The following PPFIA2 variants were observed in gnomAD, a reference collection of about 807,000 sequenced individuals.
PPFIA2 encodes the protein liprin-alpha-2.
In PPFIA2, 46 loss-of-function variants were observed where a neutral mutation model predicts 175.5. The observed-to-expected ratio is 0.26, with a 90% confidence interval of 0.21 to 0.34. The LOEUF (loss-of-function observed/expected upper bound fraction) is 0.34, where lower values mean the gene tolerates loss of function less well. Among genes scored for constraint, PPFIA2 ranks in the 10% least tolerant of loss-of-function variants. The pLI is 1.00. For synonymous variants in PPFIA2, 568 were observed against 511.4 expected, an observed-to-expected ratio of 1.11 and a Z score of -1.49; for missense variants, 1,179 against 1,506.1, an observed-to-expected ratio of 0.78 and a Z score of 3.60.
chr12:81,668,814 G>T (rs1447832897), intron 4 of PPFIA2, among the ~76,000 whole-genome samples: 1 of 151,868 alleles, frequency 6.6e-6, no homozygotes, highest in African/African-American at 2.4e-5. Flanking sequence ...ACTATGTTTT[G>T]GGGTTTTAAA....
Position 81,358,180 on chromosome 12 carries a change from C to A in PPFIA2, c.1675G>T (p.Val559Leu). Residue 559 changes from valine (V) to leucine (L), a missense_variant, in exon 16 of 33, where the codon GTG (valine) becomes TTG (leucine). This residue lies in a region of PPFIA2 where 186 missense variants were observed against 163.6 expected (regional missense o/e 1.14). Coordinates refer to ENST00000549396, the MANE Select transcript of PPFIA2 (RefSeq NM_003625.5). ...GACTGGCTGTCCACTAGGGATCCCA[C>A]TGAGTACCGCAACTCAGCTGAGGTG... ...LDTSAELRYS[V>L]GSLVDSQSDY... 2 of 1,594,192 alleles carry A rather than the reference C, an allele frequency of 1.3e-6. No individual in the cohort carries two copies. The highest frequency in any genetic ancestry group is 1.7e-6 in the Non-Finnish European group (2 of 1,169,464).
At chr12:81,670,504 C>T (rs768918621) in intron 4 of PPFIA2, among the ~76,000 whole-genome samples, 1 of 151,890 alleles carries the variant, frequency 6.6e-6, no homozygotes, top group Admixed American at 6.6e-5. Context: ...AAACCAAGCA[C>T]ACAGGTAATG....
intron 7 of PPFIA2, chr12:81,417,253 A>G (rs1294551531): frequency 1.3e-5 from 2 of 151,836 alleles, no homozygotes; most frequent in South Asian, 2.1e-4. Flanking sequence ...ACTGAAATGA[A>G]TCTCTCTGAA....
chr12:81,351,613 T>C (rs979461102), intron 17 of PPFIA2, among the ~76,000 whole-genome samples: 3 of 151,780 alleles, frequency 2.0e-5, no homozygotes, highest in Admixed American at 2.0e-4. Flanking sequence ...ATTAACAATC[T>C]GAGGCTGGGT....
Position 81,704,765 on chromosome 12 carries a change from T to C in PPFIA2, c.250-27921A>G, listed in dbSNP as rs532624777. 2.6e-5 allele frequency among the ~76,000 whole-genome samples: 4 copies of C among 152,120 alleles called. No homozygotes were observed. The East Asian group carries it at 7.7e-4, about 29-fold the overall frequency. Reference sequence around the variant, plus strand: ...CATTACTTGAGGATAGCAACTTAAATATAATATATAAATATTTATTAAGAA... The same window carrying C: ...CATTACTTGAGGATAGCAACTTAAACATAATATATAAATATTTATTAAGAA... On this transcript the variant is annotated intron_variant, in intron 3 of 32. Transcript: ENST00000549396.
chr12:81,679,226 C>T (rs1767172662), intron 3 of PPFIA2, among the ~76,000 whole-genome samples: 1 of 151,718 alleles, frequency 6.6e-6, no homozygotes, highest in South Asian at 2.1e-4. Flanking sequence ...TATGACCATA[C>T]TGAAAAGTTT....
At chr12:81,422,065 CGTGTGTGTGTGTATATAT>C (rs1566758063) in intron 7 of PPFIA2, among the ~76,000 whole-genome samples, 12 of 132,760 alleles carry the variant, frequency 9.0e-5, no homozygotes, top group African/African-American at 3.0e-4. Flanking sequence ...TATATATATA[CGTGTGTGTGTGTATATAT>C]ATGTGTATAT....
chr12:81,270,350 T>C (rs1227460383), intron 28 of PPFIA2, among the ~76,000 whole-genome samples: 1 of 152,196 alleles, frequency 6.6e-6, no homozygotes, highest in Non-Finnish European at 1.5e-5. Flanking sequence ...ATGGGTTGAA[T>C]TGTGTTCCCC....
chr12:81,361,503 G>A lies in PPFIA2; in HGVS notation c.1637+1190C>T, dbSNP rs567098221. ...TTCTTTGAGTGTTTTTATGCCTGCC[G>A]AACTTTTTCTCATATTCAATTGAGT... On this transcript the variant is annotated intron_variant, in intron 15 of 32. Coordinates refer to ENST00000549396, the MANE Select transcript of PPFIA2 (RefSeq NM_003625.5). Among the ~76,000 whole-genome samples, 102 of 151,536 alleles carry A rather than the reference G, an allele frequency of 6.7e-4. No homozygotes were observed. The Middle Eastern group carries it at 0.01, about 15-fold the overall frequency.
At chr12:81,592,356 G>A (rs2058760336) in intron 4 of PPFIA2, among the ~76,000 whole-genome samples, 2 of 152,112 alleles carry the variant, frequency 1.3e-5, no homozygotes, top group South Asian at 2.1e-4. Flanking sequence ...GATTTTGGGG[G>A]ACTGTTGGGA....
At chr12:81,708,640 A>C (rs2077510560) in intron 3 of PPFIA2, among the ~76,000 whole-genome samples, 1 of 152,198 alleles carries the variant, frequency 6.6e-6, no homozygotes, top group African/African-American at 2.4e-5. Context: ...AATCTCTGTT[A>C]ATATAAGAGA....
chr12:81,422,554 A>T (rs2046460925), intron 7 of PPFIA2, among the ~76,000 whole-genome samples: 1 of 152,128 alleles, frequency 6.6e-6, no homozygotes, highest in Admixed American at 6.6e-5. Flanking sequence ...GATGGAAGGG[A>T]GTCAAGGGCT....
chr12:81,313,228 G>C (rs1030299446), intron 22 of PPFIA2, among the ~76,000 whole-genome samples: 1 of 151,912 alleles, frequency 6.6e-6, no homozygotes, highest in African/African-American at 2.4e-5. Context: ...AAGCATAATA[G>C]CCTAATTATT....
intron 4 of PPFIA2, among the ~76,000 whole-genome samples, chr12:81,617,996 T>A (rs1251719237): frequency 6.6e-6 from 1 of 152,178 alleles, no homozygotes; most frequent in South Asian, 2.1e-4. Flanking sequence ...ATTCGTGAGT[T>A]GTGATTTTAA....
chr12:81,387,133 C>A (rs1475357505), intron 8 of PPFIA2, among the ~76,000 whole-genome samples: 3 of 152,108 alleles, frequency 2.0e-5, no homozygotes, highest in South Asian at 4.2e-4. Context: ...AGTCTTCTAA[C>A]ACTTCTACAA....
chr12:81,634,487 T>C (rs1458762598), intron 4 of PPFIA2, among the ~76,000 whole-genome samples: 2 of 151,998 alleles, frequency 1.3e-5, no homozygotes, highest in African/African-American at 4.8e-5. Flanking sequence ...TACTGCAGAG[T>C]TGGAAAATCT....
At chr12:81,631,025 G>T (rs1469392835) in intron 4 of PPFIA2, among the ~76,000 whole-genome samples, 2 of 151,610 alleles carry the variant, frequency 1.3e-5, no homozygotes, top group African/African-American at 4.8e-5. Context: ...CTCCCAAGTA[G>T]CTGGGACTAC....
chr12:81,318,113 T>G (rs971434082), intron 22 of PPFIA2, among the ~76,000 whole-genome samples: 1 of 151,710 alleles, frequency 6.6e-6, no homozygotes, highest in Admixed American at 6.6e-5. Context: ...GTTTGGTTGT[T>G]CATTCTGTTG....
intron 4 of PPFIA2, among the ~76,000 whole-genome samples, chr12:81,568,015 T>C (rs1469063513): frequency 6.6e-6 from 1 of 152,244 alleles, no homozygotes; most frequent in Non-Finnish European, 1.5e-5. Context: ...CAGGTAGTGA[T>C]AGAATTGCAT....
Sources: allele counts gnomAD v4.1 joint callset (sites outside exome capture counted in the v4.1 genomes callset), GRCh38; gene constraint gnomAD v4.1.1; regional missense constraint gnomAD v4.1.1; transcripts MANE v1.5; gene names NCBI Gene and HGNC (gene_info 2026-07-23, HGNC 2026-07-21).